CPNE8: variants seen among roughly 807,000 people sequenced by gnomAD.
The protein encoded by CPNE8 is copine 8, also known as copine-8.
Under a neutral mutation model 81.5 loss-of-function variants are expected in CPNE8, and 45 were observed. That is an observed-to-expected ratio of 0.55 (90% CI 0.44 to 0.71). The LOEUF is 0.71. Ranked by LOEUF, CPNE8 falls within the 30% of genes least tolerant of loss-of-function variation. The probability of loss-of-function intolerance (pLI) is 0.00; values close to 1 mark genes in which losing one functional copy is unlikely to be tolerated. For synonymous variants in CPNE8, 252 were observed against 226.3 expected (o/e 1.11, Z -1.02); for missense variants, 594 against 672.1 (o/e 0.88, Z 1.28).
intron 3 of CPNE8, among the ~76,000 whole-genome samples, chr12:38,865,007 A>C (rs1352867489): frequency 1.3e-5 from 2 of 152,212 alleles, no homozygotes; most frequent in Non-Finnish European, 2.9e-5. Flanking sequence ...CCTAAAAATT[A>C]GTAAGAAAAT....
chr12:38,685,592 C>T lies in CPNE8; in HGVS notation c.1169G>A (p.Cys390Tyr). Residue 390 changes from cysteine (C) to tyrosine (Y), a missense_variant, in exon 16 of 20, where the codon TGT (cysteine) becomes TAT (tyrosine). Transcript: ENST00000331366. ...CTCCATGACCCCCTCAATGCCATCA[C>T]AGTAGGGGTTTTGAGGATTCCCATT... The part of the protein sequence containing the change: ...ALNGNPQNPY[C>Y]DGIEGVMEAY... 1 of 1,613,422 alleles carries T rather than the reference C, an allele frequency of 6.2e-7. No homozygotes were observed.
chr12:38,744,965 T>G (rs891006650), intron 10 of CPNE8, among the ~76,000 whole-genome samples: 3 of 152,218 alleles, frequency 2.0e-5, no homozygotes, highest in Non-Finnish European at 4.4e-5. Context: ...CACTTCTGTA[T>G]CTGATTCCAA....
chr12:38,730,672 A>T (rs1250126051), intron 10 of CPNE8, among the ~76,000 whole-genome samples: 2 of 151,582 alleles, frequency 1.3e-5, no homozygotes, highest in African/African-American at 4.8e-5. Flanking sequence ...TATTCAAATG[A>T]TTAATTAACT....
intron 6 of CPNE8, among the ~76,000 whole-genome samples, chr12:38,782,769 T>C (rs1942083312): frequency 6.6e-6 from 1 of 151,904 alleles, no homozygotes. Context: ...AAGCCTCAAA[T>C]TCCTGGACTC....
chr12:38,699,144 T>G (rs1044264568), intron 14 of CPNE8, among the ~76,000 whole-genome samples: 6 of 152,216 alleles, frequency 3.9e-5, no homozygotes, highest in African/African-American at 1.4e-4. Context: ...CAACAATGTT[T>G]TCTTCAAAAA....
chr12:38,828,937 A>G (rs368067952), intron 6 of CPNE8, among the ~76,000 whole-genome samples: 12 of 152,172 alleles, frequency 7.9e-5, no homozygotes, highest in African/African-American at 2.4e-4. Flanking sequence ...CCTTCTCCCA[A>G]TATTTACCTA....
At position 38,692,687 on chromosome 12, in the gene CPNE8, T is replaced by C. The variant is rs193270096; in HGVS notation, c.1143+970A>G. Among the ~76,000 whole-genome samples, 158 of 152,256 alleles carry C rather than the reference T, an allele frequency of 1.0e-3. 1 individual carries two copies. Among genetic ancestry groups the C allele is most frequent in the African/African-American group, 3.5e-3 (146 of 41,564 alleles). ...ACATTCAATGGTGAGAAGAAACATA[T>C]GAAAGGAAAATTAATAAACCTCATT... On this transcript the variant is annotated intron_variant, in intron 15 of 19. Coordinates refer to ENST00000331366, the MANE Select transcript of CPNE8 (RefSeq NM_153634.3).
intron 13 of CPNE8, among the ~76,000 whole-genome samples, chr12:38,713,040 A>T (rs2136714593): frequency 6.6e-6 from 1 of 151,782 alleles, no homozygotes; most frequent in East Asian, 1.9e-4. Flanking sequence ...ACTCTATGAA[A>T]TAATCATTGT....
intron 16 of CPNE8, among the ~76,000 whole-genome samples, chr12:38,681,484 C>T (rs1429782833): frequency 2.0e-5 from 3 of 152,066 alleles, no homozygotes. Context: ...AACATAATGG[C>T]AATATATTTC....
intron 6 of CPNE8, among the ~76,000 whole-genome samples, chr12:38,793,350 A>T (rs1461836553): frequency 6.6e-6 from 1 of 151,634 alleles, no homozygotes; most frequent in East Asian, 1.9e-4. Flanking sequence ...ACACACACAC[A>T]CACACTGTTA....
intron 5 of CPNE8, among the ~76,000 whole-genome samples, chr12:38,837,665 T>C (rs1226135426): frequency 6.6e-6 from 1 of 152,012 alleles, no homozygotes; most frequent in Non-Finnish European, 1.5e-5. Context: ...CTGTGGAAGT[T>C]AGAAATGAAT....
At chr12:38,836,781 A>G (rs1452408407) in intron 5 of CPNE8, among the ~76,000 whole-genome samples, 1 of 152,168 alleles carries the variant, frequency 6.6e-6, no homozygotes, top group African/African-American at 2.4e-5. Flanking sequence ...CTGATCTTCA[A>G]AAATCCTCAT....
chr12:38,848,492 T>C (rs1943592324), intron 4 of CPNE8, 67 bp downstream of exon 4: 9 of 1,479,260 alleles, frequency 6.1e-6, no homozygotes, highest in Non-Finnish European at 7.2e-6. Flanking sequence ...CATAGGACCC[T>C]GCCTTACATT....
rs373758966 is a variant in CPNE8 at position 38,821,565 on chromosome 12, CCAAT to C, written c.407+7810_407+7813del. Among the ~76,000 whole-genome samples the C allele has an allele frequency of 8.5e-3, 1,302 of 152,286 alleles. 19 individuals are homozygous for C. Among genetic ancestry groups the C allele is most frequent in the Middle Eastern group, 0.037 (11 of 294 alleles). ...TGTCACACCAAGTCAGAACAACCAA[CCAAT>C]CATTCTGAGGCTTGTCTCTGACAAT... On this transcript the variant is annotated intron_variant, in intron 6 of 19. Transcript: ENST00000331366.
chr12:38,766,461 T>C (rs1941692058), intron 8 of CPNE8, among the ~76,000 whole-genome samples: 1 of 152,152 alleles, frequency 6.6e-6, no homozygotes, highest in African/African-American at 2.4e-5. Context: ...CTGACATTTT[T>C]ACCATCAAAA....
At chr12:38,820,183 G>GA (rs1943091125) in intron 6 of CPNE8, among the ~76,000 whole-genome samples, 4 of 152,142 alleles carry the variant, frequency 2.6e-5, no homozygotes, top group Middle Eastern at 3.4e-3. Flanking sequence ...AAGATGGGGG[G>GA]ATCACAAGAT....
At chr12:38,799,834 G>T (rs1317066207) in intron 6 of CPNE8, among the ~76,000 whole-genome samples, 1 of 149,534 alleles carries the variant, frequency 6.7e-6, no homozygotes, top group Non-Finnish European at 1.5e-5. Flanking sequence ...GCGAGGCATT[G>T]CCTCACCTGG....
At chr12:38,812,686 G>A (rs571897873) in intron 6 of CPNE8, among the ~76,000 whole-genome samples, 39 of 152,292 alleles carry the variant, frequency 2.6e-4, no homozygotes, top group African/African-American at 9.1e-4. Context: ...AGGTGTTTAA[G>A]TCATGAGGGC....
chr12:38,759,601 C>G (rs958399831), intron 10 of CPNE8, among the ~76,000 whole-genome samples: 1 of 152,140 alleles, frequency 6.6e-6, no homozygotes, highest in African/African-American at 2.4e-5. Flanking sequence ...AGTGTTATAA[C>G]TCTTTTTCAT....
Sources: allele counts gnomAD v4.1 joint callset (sites outside exome capture counted in the v4.1 genomes callset), GRCh38; gene constraint gnomAD v4.1.1; transcripts MANE v1.5; gene names NCBI Gene and HGNC (gene_info 2026-07-23, HGNC 2026-07-21).